Variants in MAST3 observed in about 807,000 individuals in gnomAD.
MAST3 encodes the protein microtubule-associated serine/threonine-protein kinase 3.
Under a neutral mutation model 127.0 loss-of-function variants are expected in MAST3, and 43 were observed. That is an observed-to-expected ratio of 0.34 (90% CI 0.27 to 0.44). MAST3 has a LOEUF of 0.44. Among genes scored for constraint, MAST3 ranks in the 20% least tolerant of loss-of-function variants. The probability of loss-of-function intolerance (pLI) is 1.00; values close to 1 mark genes in which losing one functional copy is unlikely to be tolerated. For missense variants in MAST3, 1,390 were observed against 1,919.1 expected, an observed-to-expected ratio of 0.72 and a Z score of 5.15; for synonymous variants, 785 against 809.2, an observed-to-expected ratio of 0.97 and a Z score of 0.51.
intron 1 of MAST3, among the ~76,000 whole-genome samples, chr19:18,099,569 A>C (rs1239417479): frequency 6.6e-6 from 1 of 152,186 alleles, no homozygotes; most frequent in East Asian, 1.9e-4. Flanking sequence ...GGTTCAGAGA[A>C]GCATAGCCAC....
rs369643644 is a variant in MAST3, at chr19:18,147,517, T to A, written c.3401T>A (p.Leu1134His). The change falls in exon 27 of 28, where the codon CTC (leucine) becomes CAC (histidine). Residue 1134 changes from leucine (L) to histidine (H), a missense_variant. Leu to His is a moderately conservative substitution (Grantham distance 99). Transcript: ENST00000687212. ...LHTSRSFSSGLHHSLSSSESL... is the reference protein window; with the variant it reads ...LHTSRSFSSGHHHSLSSSESL... Reference sequence around the variant, plus strand: ...ACCAGCCGCAGCTTCTCCTCCGGACTCCACCACTCACTGTCATCCAGTGAG... The same window carrying A: ...ACCAGCCGCAGCTTCTCCTCCGGACACCACCACTCACTGTCATCCAGTGAG... The A allele has an allele frequency of 6.2e-7, 1 of 1,612,134 alleles. No homozygotes were observed. The highest frequency in any genetic ancestry group is 1.3e-5 in the African/African-American group (1 of 74,958).
chr19:18,147,247 C>T (rs145125649), intron 26 of MAST3, among the ~76,000 whole-genome samples, 196 bp from the exon 27 acceptor site: 3 of 151,846 alleles, frequency 2.0e-5, no homozygotes, highest in East Asian at 3.9e-4. Context: ...GGGACTACGG[C>T]GTGCACCATC....
chr19:18,115,731 G>C (rs1358521782), intron 3 of MAST3, among the ~76,000 whole-genome samples: 1 of 152,074 alleles, frequency 6.6e-6, no homozygotes, highest in Non-Finnish European at 1.5e-5. Flanking sequence ...CTTCATTCCT[G>C]TCCCCCAGCA....
In MAST3 at chr19:18,136,616, G is replaced by A. The variant is rs1407479428; in HGVS notation, c.1973-623G>A. On this transcript the variant is annotated intron_variant, in intron 18 of 27. Coordinates refer to ENST00000687212, the MANE Select transcript of MAST3 (RefSeq NM_001393504.1). ...CTTTTGGTAGAGACGAAATTGAGAC[G>A]AAATTTCACCATGTTGCCCAGGCTG... Among the ~76,000 whole-genome samples the A allele has an allele frequency of 2.0e-5, 3 of 151,888 alleles. No homozygotes were observed. The East Asian group carries it at 5.8e-4, about 29-fold the overall frequency.
chr19:18,111,164 G>T (rs377506051), intron 3 of MAST3, among the ~76,000 whole-genome samples: 1 of 152,034 alleles, frequency 6.6e-6, no homozygotes, highest in South Asian at 2.1e-4. Flanking sequence ...ATTAACCAAA[G>T]TGGCGCCGGG....
At position 18,144,521 on chromosome 19, in the gene MAST3, A is replaced by G. The variant is rs758598754; in HGVS notation, c.2640A>G (p.Arg880=). The G allele has an allele frequency of 1.4e-5, 23 of 1,609,666 alleles. No homozygotes were observed. Among genetic ancestry groups the G allele is most frequent in the Non-Finnish European group, 2.0e-5 (23 of 1,179,190 alleles). Residue 880 remains arginine, a synonymous_variant, in exon 23 of 28, where the codon CGA becomes CGG. Coordinates refer to ENST00000687212, the MANE Select transcript of MAST3 (RefSeq NM_001393504.1). This position sits in a 1 kb window ranked among gnomAD's most constrained non-coding sequence, Gnocchi z 4.0. The part of the protein sequence containing the change: ...ARLRSNSIGA[R]HSTPRPLDAG... ...TACGGAGCAATAGCATCGGCGCCCG[A>G]CACTCCACACCAAGGCCTCTGGATG...
intron 11 of MAST3, 86 bp downstream of exon 11, chr19:18,124,860 C>T (rs547691176): frequency 6.2e-6 from 9 of 1,458,458 alleles, no homozygotes; most frequent in Admixed American, 2.4e-5. Flanking sequence ...AATACCAGCA[C>T]TTTGGGAAGC....
Position 18,110,634 on chromosome 19 carries a change from CG to C in MAST3, c.72-16del, listed in dbSNP as rs1462958505. On this transcript the variant is annotated splice_polypyrimidine_tract_variant and intron_variant, in intron 2 of 27. Transcript: ENST00000687212. The surrounding 1 kb of genome is among the most constrained non-coding windows in gnomAD (Gnocchi z 4.3). ...GGGCGGCCGCCAGGTTCACCGTCCC[CG>C]GCCTCTTTCTTTGCAGTCTGTCTCC... is the stretch of plus-strand genomic sequence containing the variant. 1 of 980,620 alleles carries C rather than the reference CG, an allele frequency of 1.0e-6. No homozygotes were observed. Among genetic ancestry groups the C allele is most frequent in the East Asian group, 1.1e-4 (1 of 8,762 alleles). The allele number at this position is 980,620 out of a possible 1,614,324, so 60.7% of individuals were successfully genotyped here.
At position 18,122,758 on chromosome 19, in the gene MAST3, A is replaced by G. The variant is rs1245985143; in HGVS notation, c.399+7A>G. 3.7e-6 allele frequency: 6 copies of G among 1,612,400 alleles called. No homozygotes were observed. The highest frequency in any genetic ancestry group is 4.5e-5 in the East Asian group (2 of 44,836). On this transcript the variant is annotated splice_region_variant and intron_variant, in intron 6 of 27. Coordinates refer to ENST00000687212, the MANE Select transcript of MAST3 (RefSeq NM_001393504.1). ...ACCCAGCTCCACCCTCTCGGTACCC[A>G]TAGCCCCACCTTGGCAGGTGGACAG...
intron 20 of MAST3, among the ~76,000 whole-genome samples, chr19:18,141,020 C>T (rs2042413838): frequency 1.3e-5 from 2 of 152,060 alleles, no homozygotes; most frequent in Admixed American, 1.3e-4. Context: ...TCTCAAACTC[C>T]TGTCCTCAAG....
At chr19:18,106,017 G>C (rs1187023305) in intron 1 of MAST3, among the ~76,000 whole-genome samples, 1 of 152,138 alleles carries the variant, frequency 6.6e-6, no homozygotes, top group Non-Finnish European at 1.5e-5. Context: ...TTTCTCAACA[G>C]ATTATTAGTT....
chr19:18,120,474 A>G (rs1168775078), intron 3 of MAST3, among the ~76,000 whole-genome samples: 1 of 152,186 alleles, frequency 6.6e-6, no homozygotes, highest in Admixed American at 6.5e-5. Flanking sequence ...AGTGTCCTCC[A>G]TCAGGCTAGA....
chr19:18,133,779 C>A (rs1020776501), intron 15 of MAST3, among the ~76,000 whole-genome samples: 7 of 151,964 alleles, frequency 4.6e-5, no homozygotes, highest in African/African-American at 1.7e-4. Context: ...GTTTTGAACT[C>A]CCGACCTCAG....
intron 1 of MAST3, among the ~76,000 whole-genome samples, chr19:18,104,387 G>A (rs2037896669): frequency 6.6e-6 from 1 of 151,730 alleles, no homozygotes; most frequent in Non-Finnish European, 1.5e-5. Flanking sequence ...TCCTCCCATC[G>A]TGACAGCTTG....
At chr19:18,126,253 G>C (rs1261762673) in intron 11 of MAST3, among the ~76,000 whole-genome samples, 2 of 151,800 alleles carry the variant, frequency 1.3e-5, no homozygotes, top group Non-Finnish European at 2.9e-5. Flanking sequence ...TCCACAAATA[G>C]CCAGGATAAG....
Position 18,112,294 on chromosome 19 carries a change from G to A in MAST3, c.161+1553G>A, listed in dbSNP as rs114758860. Among the ~76,000 whole-genome samples the A allele has an allele frequency of 0.028, 4,205 of 152,238 alleles. 82 individuals carry two copies. The highest frequency in any genetic ancestry group is 0.054 in the Middle Eastern group (16 of 294). ...TCTCCTGTTTCAGGCTCCGAGTAGC[G>A]GAGACTACAGGCGTGCCACCACGCC... On this transcript the variant is annotated intron_variant, in intron 3 of 27. Coordinates refer to ENST00000687212, the MANE Select transcript of MAST3 (RefSeq NM_001393504.1). The surrounding 1 kb of genome is among the most constrained non-coding windows in gnomAD (Gnocchi z 4.1).
At chr19:18,119,886 G>A (rs921828216) in intron 3 of MAST3, among the ~76,000 whole-genome samples, 3 of 152,230 alleles carry the variant, frequency 2.0e-5, no homozygotes, top group Non-Finnish European at 4.4e-5. Flanking sequence ...GCACCTCGGA[G>A]GCCCCGAGAC....
At chr19:18,138,538 C>G (rs2042119602) in intron 19 of MAST3, among the ~76,000 whole-genome samples, 1 of 152,108 alleles carries the variant, frequency 6.6e-6, no homozygotes, top group South Asian at 2.1e-4. Flanking sequence ...TGCTCTGTCA[C>G]CCAGGCTGGA....
intron 20 of MAST3, among the ~76,000 whole-genome samples, chr19:18,139,427 C>T (rs545551729): frequency 6.6e-5 from 10 of 152,232 alleles, no homozygotes; most frequent in South Asian, 2.1e-4. Context: ...CAGGTTCAAG[C>T]GATTCTCCTG....
Sources: gnomAD v4.1 joint callset for allele counts (sites outside exome capture counted in the v4.1 genomes callset) on GRCh38, gnomAD v4.1.1 for gene constraint, Gnocchi (gnomAD v3.1) non-coding constraint, MANE v1.5 for transcripts, NCBI Gene and HGNC (gene_info 2026-07-23, HGNC 2026-07-21) for gene names.